Variants in ORC3 observed in about 807,000 individuals in gnomAD.
ORC3 encodes homolog of latheo, Drosophila.
In ORC3, 78 loss-of-function variants were observed where a neutral mutation model predicts 100.7. The ratio of observed to expected loss-of-function variants is 0.77; its 90% CI spans 0.65 to 0.94. The LOEUF is 0.94. ORC3 is among the 40% of genes least tolerant of loss of function. ORC3 has a pLI of 0.00. For synonymous variants in ORC3, 295 were observed against 289.3 expected, an observed-to-expected ratio of 1.02 and a Z score of -0.20; for missense variants, 789 against 823.9, an observed-to-expected ratio of 0.96 and a Z score of 0.52.
Position 87,603,395 on chromosome 6 carries a change from G to A in ORC3, c.189G>A (p.Glu63=), listed in dbSNP as rs1404963390. 2 of 1,489,236 alleles carry A rather than the reference G, an allele frequency of 1.3e-6. No homozygotes were observed. Among genetic ancestry groups the A allele is most frequent in the South Asian group, 2.7e-5 (2 of 73,238 alleles). 92.3% of individuals were successfully genotyped at this position (1,489,236 alleles called of 1,614,324 possible). A position where few individuals can be genotyped will look rare whatever the true frequency, so the allele number is the denominator to read the frequency against. The change falls in exon 4 of 20, where the codon GAG becomes GAA. Residue 63 remains glutamate, a synonymous_variant. Coordinates refer to ENST00000392844, the MANE Select transcript of ORC3 (RefSeq NM_012381.4). Reference sequence around the variant, plus strand: ...TGTGTTCTTTGTAGCGACTACAAGAGGAATTAAATAAAAACTTGTTTGACA... The same window carrying A: ...TGTGTTCTTTGTAGCGACTACAAGAAGAATTAAATAAAAACTTGTTTGACA... ...QMKSENERLQ[E]ELNKNLFDNL...
chr6:87,665,542 T>C (rs1770526623), intron 18 of ORC3, among the ~76,000 whole-genome samples: 1 of 152,216 alleles, frequency 6.6e-6, no homozygotes, highest in South Asian at 2.1e-4. Context: ...CTGCATACTC[T>C]TAGTTCTCTG....
intron 13 of ORC3, among the ~76,000 whole-genome samples, chr6:87,649,023 T>C (rs1164784019): frequency 6.6e-6 from 1 of 152,256 alleles, no homozygotes; most frequent in Non-Finnish European, 1.5e-5. Context: ...CTTTTGCTGC[T>C]GCTGGATATT....
At chr6:87,617,603 T>C (rs988439732) in intron 9 of ORC3, among the ~76,000 whole-genome samples, 2 of 151,868 alleles carry the variant, frequency 1.3e-5, no homozygotes, top group African/African-American at 4.8e-5. Flanking sequence ...GCGTGGTGGC[T>C]TATTTATAGA....
Position 87,645,984 on chromosome 6 carries a change from C to CTTTTTTTTTTT in ORC3, c.1383-7122_1383-7121insTTTTTTTTTTT, listed in dbSNP as rs747686139. ...GTGAAATAATTTTTTCTTTTTTTTT[C>CTTTTTTTTTTT]TTTTTTTTTTCTTTTTTTTTGAGGC... is the stretch of plus-strand genomic sequence containing the variant. On this transcript the variant is annotated intron_variant, in intron 13 of 19. Coordinates refer to ENST00000392844, the MANE Select transcript of ORC3 (RefSeq NM_012381.4). Among the ~76,000 whole-genome samples the CTTTTTTTTTTT allele has an allele frequency of 1.9e-3, 240 of 126,918 alleles. 2 individuals carry two copies. Among genetic ancestry groups the CTTTTTTTTTTT allele is most frequent in the Middle Eastern group, 4.1e-3 (1 of 246 alleles). 83.3% of individuals were successfully genotyped at this position (126,918 alleles called of 152,430 possible).
chr6:87,635,975 C>T (rs1000776075), intron 12 of ORC3, among the ~76,000 whole-genome samples: 2 of 145,452 alleles, frequency 1.4e-5, no homozygotes, highest in African/African-American at 2.6e-5. Flanking sequence ...GACAGAGTCT[C>T]GCTCTGTCAC....
intron 13 of ORC3, among the ~76,000 whole-genome samples, chr6:87,643,786 TG>T (rs1768476471): frequency 2.0e-5 from 3 of 152,178 alleles, no homozygotes; most frequent in Admixed American, 1.3e-4. Flanking sequence ...TCACTGTCTG[TG>T]GGGGATTGGT....
chr6:87,665,775 G>A lies in ORC3; in HGVS notation c.1972G>A (p.Ala658Thr), dbSNP rs1218602181. ...WSEAFATVVT[A>T]AEKMDANSAT... ...AAAGGCTTTTGCAACAGTTGTGACA[G>A]CTGCTGAAAAAATGGATGCAAATTC... Residue 658 changes from alanine (A) to threonine (T), a missense_variant, in exon 19 of 20, where the codon GCT becomes ACT. Ala to Thr is a moderately conservative substitution (Grantham distance 58). This residue lies in a region of ORC3 where 366 missense variants were observed against 394.2 expected (regional missense o/e 0.93). Coordinates refer to ENST00000392844, the MANE Select transcript of ORC3 (RefSeq NM_012381.4). 3 of 1,611,532 alleles carry A rather than the reference G, an allele frequency of 1.9e-6. No homozygotes were observed. Among genetic ancestry groups the A allele is most frequent in the Non-Finnish European group, 2.5e-6 (3 of 1,178,156 alleles).
chr6:87,621,587 T>A, intron 10 of ORC3, 100 bp downstream of exon 10: 1 of 769,922 alleles, frequency 1.3e-6, no homozygotes, highest in Non-Finnish European at 1.9e-6. Flanking sequence ...AAAGAAATAG[T>A]AACCTATTCT....
At chr6:87,676,596 A>AACACACGCACGCGCGCGCACACACAC in the ORC3 span, among the ~76,000 whole-genome samples, 19 of 142,146 alleles carry the variant, frequency 1.3e-4, no homozygotes, top group African/African-American at 5.1e-4. Flanking sequence ...CTCTACTAAA[A>AACACACGCACGCGCGCGCACACACAC]ACACACACAC....
At chr6:87,676,048 C>A in the ORC3 span, 1 of 782,540 alleles carries the variant, frequency 1.3e-6, no homozygotes. Context: ...ACTTACATAA[C>A]CTCAGTAGTA....
At chr6:87,650,835 C>A in intron 13 of ORC3, 1 of 249,454 alleles carries the variant, frequency 4.0e-6, no homozygotes, top group East Asian at 9.2e-5. Flanking sequence ...TGGTGAAACC[C>A]TGCCTCTACT....
intron 13 of ORC3, among the ~76,000 whole-genome samples, chr6:87,644,583 C>T (rs1197099953): frequency 6.6e-6 from 1 of 151,748 alleles, no homozygotes; most frequent in Non-Finnish European, 1.5e-5. Flanking sequence ...CGCCTATAGT[C>T]CCAGCTACGA....
the ORC3 span, among the ~76,000 whole-genome samples, chr6:87,676,605 A>ACGCG: frequency 1.4e-5 from 1 of 73,878 alleles, no homozygotes; most frequent in African/African-American, 4.1e-5. Context: ...AAACACACAC[A>ACGCG]CACACACACA....
At chr6:87,592,859 C>T (rs879055474) in intron 1 of ORC3, among the ~76,000 whole-genome samples, 2 of 152,026 alleles carry the variant, frequency 1.3e-5, no homozygotes, top group African/African-American at 4.8e-5. Flanking sequence ...TTTGGGAGGC[C>T]GAGGCGGATG....
intron 8 of ORC3, 83 bp downstream of exon 8, chr6:87,612,331 A>G: frequency 1.2e-6 from 1 of 843,824 alleles, no homozygotes; most frequent in Non-Finnish European, 1.8e-6. Context: ...GTTAACAATA[A>G]GCCTCTACAA....
intron 13 of ORC3, among the ~76,000 whole-genome samples, chr6:87,640,754 A>G (rs2128281473): frequency 6.6e-6 from 1 of 152,304 alleles, no homozygotes; most frequent in Non-Finnish European, 1.5e-5. Context: ...GTAATTTTTC[A>G]TATTTTTAAA....
chr6:87,666,423 C>T (rs1438396091), intron 19 of ORC3, among the ~76,000 whole-genome samples: 1 of 149,492 alleles, frequency 6.7e-6, no homozygotes, highest in Admixed American at 6.7e-5. Context: ...AGCCACCTCA[C>T]CCGGCCTAAT....
At chr6:87,660,258 A>G (rs990657356) in intron 16 of ORC3, among the ~76,000 whole-genome samples, 1 of 152,226 alleles carries the variant, frequency 6.6e-6, no homozygotes, top group Non-Finnish European at 1.5e-5. Flanking sequence ...AAATCACAAA[A>G]TCTTCCATAC....
chr6:87,618,680 G>A (rs980396454), intron 9 of ORC3, among the ~76,000 whole-genome samples: 1 of 152,080 alleles, frequency 6.6e-6, no homozygotes, highest in South Asian at 2.1e-4. Flanking sequence ...ATAAACTAAG[G>A]TAATGGTAGT....
Sources: gnomAD v4.1 joint callset for allele counts (sites outside exome capture counted in the v4.1 genomes callset) on GRCh38, gnomAD v4.1.1 for gene constraint, gnomAD v4.1.1 regional missense constraint, MANE v1.5 for transcripts, NCBI Gene and HGNC (gene_info 2026-07-23, HGNC 2026-07-21) for gene names.